The following FN1 variants were observed in gnomAD, a reference collection of about 807,000 sequenced individuals.
The protein encoded by FN1 is fibronectin.
A neutral mutation model predicts 297.3 loss-of-function variants in FN1; 106 were observed. That is an observed-to-expected ratio of 0.36 (90% CI 0.30 to 0.42). The LOEUF is 0.42. Among genes scored for constraint, FN1 ranks in the 10% least tolerant of loss-of-function variants. The pLI is 1.00. For missense variants in FN1, 2,690 were observed against 3,124.9 expected (o/e 0.86, Z 3.32); for synonymous variants, 1,149 against 1,152.6 (o/e 1.00, Z 0.06).
chr2:215,418,621 A>T (rs1356988519), intron 12 of FN1, among the ~76,000 whole-genome samples: 1 of 152,146 alleles, frequency 6.6e-6, no homozygotes, highest in Non-Finnish European at 1.5e-5. Flanking sequence ...TTCCCCCCAA[A>T]TGAACTAATT....
At chr2:215,371,647 T>G (rs2056146259) in intron 40 of FN1, among the ~76,000 whole-genome samples, 1 of 150,418 alleles carries the variant, frequency 6.6e-6, no homozygotes, top group Admixed American at 6.6e-5. Flanking sequence ...TGTGCCATCT[T>G]CTAAGAGGTT....
chr2:215,427,475 C>A (rs1047771797), intron 6 of FN1, among the ~76,000 whole-genome samples: 1 of 152,052 alleles, frequency 6.6e-6, no homozygotes, highest in Non-Finnish European at 1.5e-5. Flanking sequence ...ACATTTATGA[C>A]GTAAAAATCT....
In FN1 at chr2:215,372,246, T is replaced by C; in HGVS notation, c.6377A>G (p.Gln2126Arg). 6.2e-7 allele frequency: 1 copy of C among 1,614,242 alleles called. No homozygotes were observed. The highest frequency in any genetic ancestry group is 8.5e-7 in the Non-Finnish European group (1 of 1,180,050). ...HPGYDTGNGI[Q>R]LPGTSGQQPS... ...TTGCTGACCAGAAGTGCCAGGAAGC[T>C]GAATACCATTTCCAGTGTCATACCC... The change falls in exon 40 of 46, where the codon CAG becomes CGG. Residue 2126 changes from glutamine (Q) to arginine (R), a missense_variant. Transcript: ENST00000354785.
At position 215,399,351 on chromosome 2, in the gene FN1, A is replaced by G; in HGVS notation, c.3254T>C (p.Leu1085Pro). 6.2e-7 allele frequency: 1 copy of G among 1,605,600 alleles called. No individual in the cohort carries two copies. Among genetic ancestry groups the G allele is most frequent in the Non-Finnish European group, 8.5e-7 (1 of 1,172,212 alleles). ...AGGTGGAATAGAGCTCCCAGGCTGC[A>G]CTGTGAGAGAGAATCAATGCACATA... The part of the protein sequence containing the change: ...SPKATGVFTT[L>P]QPGSSIPPYN... The change falls in exon 21 of 46, where the codon CTG becomes CCG. Residue 1085 changes from leucine (L) to proline (P), a missense_variant and splice_region_variant. By Grantham distance (98) the Leu-to-Pro change is moderately conservative. Around this residue, in one of 3 missense-constraint regions of FN1, gnomAD observed 1,743 missense variants for 1,945.2 expected, o/e 0.90. Coordinates refer to ENST00000354785, the MANE Select transcript of FN1 (RefSeq NM_212482.4).
intron 35 of FN1, among the ~76,000 whole-genome samples, chr2:215,377,245 C>A (rs1212165900): frequency 6.6e-6 from 1 of 152,112 alleles, no homozygotes; most frequent in African/African-American, 2.4e-5. Context: ...TAACAGAAGA[C>A]TAGAATCTAA....
chr2:215,420,645 A>T, intron 11 of FN1, 28 bp downstream of exon 11: 1 of 1,613,696 alleles, frequency 6.2e-7, no homozygotes, highest in Non-Finnish European at 8.5e-7. Flanking sequence ...CCCTGTGCAA[A>T]CTCATCTAGG....
chr2:215,431,384 G>T (rs1011228257), intron 4 of FN1, among the ~76,000 whole-genome samples: 1 of 152,164 alleles, frequency 6.6e-6, no homozygotes, highest in African/African-American at 2.4e-5. Context: ...TGAGGATTGA[G>T]ATCCAAAGAA....
Position 215,428,139 on chromosome 2 carries a change from C to T in FN1, c.844+41G>A, listed in dbSNP as rs558104135. 5 of 1,611,006 alleles carry T rather than the reference C, an allele frequency of 3.1e-6. No individual in the cohort carries two copies. In the African/African-American group the frequency reaches 5.3e-5, roughly 17 times the overall value. On this transcript the variant is annotated intron_variant, in intron 6 of 45. Coordinates refer to ENST00000354785, the MANE Select transcript of FN1 (RefSeq NM_212482.4). ...TGGATTTGCGGAAATATTTCTTGAC[C>T]TGCTTCCCCATTTCCCGCCCCTGCT... is the stretch of plus-strand genomic sequence containing the variant.
intron 15 of FN1, 109 bp from the exon 16 acceptor site, chr2:215,408,535 G>C: frequency 9.4e-7 from 1 of 1,060,274 alleles, no homozygotes; most frequent in South Asian, 1.3e-5. Context: ...AGGGAAAAGC[G>C]ACTAGAAGGT....
intron 25 of FN1, 150 bp downstream of exon 25, chr2:215,392,781 G>T: frequency 1.3e-6 from 1 of 790,530 alleles, no homozygotes; most frequent in Non-Finnish European, 2.1e-6. Flanking sequence ...TTTAGCAGAT[G>T]CATTTGATTC....
intron 19 of FN1, 81 bp downstream of exon 19, chr2:215,406,157 G>T: frequency 1.4e-6 from 2 of 1,404,614 alleles, no homozygotes; most frequent in Non-Finnish European, 2.0e-6. Context: ...ACCTCTGAGT[G>T]AATGGTTTAC....
intron 42 of FN1, 89 bp from the exon 43 acceptor site, chr2:215,365,719 C>A: frequency 8.1e-7 from 1 of 1,237,204 alleles, no homozygotes; most frequent in South Asian, 1.2e-5. Context: ...GTCACAGGGT[C>A]TTCAGAACCA....
chr2:215,361,876 TAATTA>T (rs2106090014), intron 45 of FN1, 88 bp downstream of exon 45: 1 of 1,498,432 alleles, frequency 6.7e-7, no homozygotes, highest in African/African-American at 1.4e-5. Flanking sequence ...TTTTTTTAAT[TAATTA>T]AAACACTTGG....
In FN1 at chr2:215,408,796, C is replaced by T. The variant is rs147862257; in HGVS notation, c.2300-370G>A. The stretch of plus-strand genomic sequence containing the variant: ...TGTTGGCCAGGCTGATCTCGAACTC[C>T]TGGCCTCAAGTGATCCACCAGCCTC... On this transcript the variant is annotated intron_variant, in intron 15 of 45. Transcript: ENST00000354785. Among the ~76,000 whole-genome samples, 865 of 152,262 alleles carry T rather than the reference C, an allele frequency of 5.7e-3. 6 individuals carry two copies. The highest frequency in any genetic ancestry group is 0.02 in the African/African-American group (822 of 41,534).
At chr2:215,364,226 A>G (rs2054083531) in intron 44 of FN1, 1 of 157,598 alleles carries the variant, frequency 6.3e-6, no homozygotes, top group South Asian at 1.9e-4. Context: ...TACTTAGCAC[A>G]GTGCTAGACC....
chr2:215,410,955 T>G (rs1218628520), intron 13 of FN1, among the ~76,000 whole-genome samples: 1 of 152,236 alleles, frequency 6.6e-6, no homozygotes, highest in Non-Finnish European at 1.5e-5. Flanking sequence ...ATATATTTTA[T>G]CTTTTAACTC....
At chr2:215,411,733 C>T (rs1009327490) in intron 13 of FN1, among the ~76,000 whole-genome samples, 2 of 148,396 alleles carry the variant, frequency 1.3e-5, no homozygotes, top group Admixed American at 6.8e-5. Context: ...GTGGCGTGAT[C>T]CTGGCTCACT....
In FN1 at chr2:215,367,558, G is replaced by A. The variant is rs573768618; in HGVS notation, c.7018+305C>T. ...TCTCTAATACTCTTAAATAGACCTG[G>A]TTCCAAAAGTCTTTATCCATTTGTT... On this transcript the variant is annotated intron_variant, in intron 42 of 45. Coordinates refer to ENST00000354785, the MANE Select transcript of FN1 (RefSeq NM_212482.4). 2.6e-3 allele frequency: 1,037 copies of A among 399,138 alleles called. 6 individuals carry two copies. The highest frequency in any genetic ancestry group is 3.9e-3 in the Non-Finnish European group (827 of 210,890). The allele number at this position is 399,138 out of a possible 1,614,324, so 24.7% of individuals were successfully genotyped here. A position where few individuals can be genotyped will look rare whatever the true frequency, so the allele number is the denominator to read the frequency against.
At chr2:215,363,923 T>C (rs1473931262) in intron 44 of FN1, among the ~76,000 whole-genome samples, 1 of 152,208 alleles carries the variant, frequency 6.6e-6, no homozygotes, top group African/African-American at 2.4e-5. Context: ...TCTATTTTCT[T>C]ACCAGAAGAC....
Sources: gnomAD v4.1 joint callset for allele counts (sites outside exome capture counted in the v4.1 genomes callset) on GRCh38, gnomAD v4.1.1 for gene constraint, gnomAD v4.1.1 regional missense constraint, MANE v1.5 for transcripts, NCBI Gene and HGNC (gene_info 2026-07-23, HGNC 2026-07-21) for gene names.